Variants in ADGRF3 observed in about 807,000 individuals in gnomAD.
ADGRF3 encodes G protein-coupled receptor 113.
In ADGRF3, 85 loss-of-function variants were observed where a neutral mutation model predicts 93.2. That is an observed-to-expected ratio of 0.91 (90% CI 0.77 to 1.09). ADGRF3 has a LOEUF of 1.09. Among genes scored for constraint, ADGRF3 ranks in the 50% least tolerant of loss-of-function variants. The pLI is 0.00. For missense variants in ADGRF3, 1,125 were observed against 1,246.2 expected (o/e 0.90, Z 1.46); for synonymous variants, 534 against 532.5 (o/e 1.00, Z -0.04).
intron 1 of ADGRF3, among the ~76,000 whole-genome samples, chr2:26,327,815 G>A (rs1675522437): frequency 6.7e-6 from 1 of 149,994 alleles, no homozygotes; most frequent in African/African-American, 2.5e-5. Flanking sequence ...AGGACTGTAA[G>A]AAATAAACGT....
intron 11 of ADGRF3, 29 bp from the exon 12 acceptor site, chr2:26,310,134 G>A: frequency 6.2e-7 from 1 of 1,614,054 alleles, no homozygotes; most frequent in Non-Finnish European, 8.5e-7. Context: ...CTCTGCTTAT[G>A]CCAGCCACGG....
Position 26,316,908 on chromosome 2 carries a change from G to A in ADGRF3, c.325+4C>T. On this transcript the variant is annotated splice_donor_region_variant and intron_variant, in intron 3 of 13. Transcript: ENST00000651242. ...TCTCAGCCCCCTTCCCACGCAAGTG[G>A]TACCTGTTGTGAGTCTGAGGCCAGT... 2 of 1,600,318 alleles carry A rather than the reference G, an allele frequency of 1.2e-6. No individual in the cohort carries two copies. The highest frequency in any genetic ancestry group is 1.7e-6 in the Non-Finnish European group (2 of 1,175,950).
chr2:26,336,598 T>G (rs1440768019), intron 1 of ADGRF3, among the ~76,000 whole-genome samples: 1 of 151,606 alleles, frequency 6.6e-6, no homozygotes, highest in Non-Finnish European at 1.5e-5. Flanking sequence ...TGGTGGCAAG[T>G]GCCTGTAGTC....
At position 26,315,702 on chromosome 2, in the gene ADGRF3, G is replaced by A. The variant is rs1463704799; in HGVS notation, c.538C>T (p.Pro180Ser). 6.4e-6 allele frequency: 10 copies of A among 1,551,492 alleles called. No individual in the cohort carries two copies. Among genetic ancestry groups the A allele is most frequent in the African/African-American group, 5.5e-5 (4 of 73,126 alleles). Reference sequence around the variant, plus strand: ...AGAGTCAGGCTCAGCGTGTCACCAGGCATCTGCAGCTGGGAGTTCAGGTTG... The same window carrying A: ...AGAGTCAGGCTCAGCGTGTCACCAGACATCTGCAGCTGGGAGTTCAGGTTG... ...ILNLNSQLQM[P>S]GDTLSLTLHL... is the part of the protein sequence containing the mutation. Residue 180 changes from proline (P) to serine (S), a missense_variant, in exon 5 of 14, where the codon CCT (proline) becomes TCT (serine). Transcript: ENST00000651242.
intron 1 of ADGRF3, chr2:26,319,092 C>A: frequency 6.5e-7 from 1 of 1,527,406 alleles, no homozygotes; most frequent in Non-Finnish European, 8.8e-7. Context: ...TGCAAATTTC[C>A]GCAAGGAAGA....
chr2:26,309,572 C>G lies in ADGRF3; in HGVS notation c.2947G>C (p.Glu983Gln), dbSNP rs376528781. 1.2e-6 allele frequency: 2 copies of G among 1,612,476 alleles called. No homozygotes were observed. The highest frequency in any genetic ancestry group is 2.7e-5 in the African/African-American group (2 of 74,892). ...PSSTISLATN[E>Q]GCILEHSKGG... ...TTGCTGTGTTCCAAGATGCAGCCTT[C>G]ATTTGTGGCCTAGGAAGGGGTGGGA... The change falls in exon 13 of 14, where the codon GAA (glutamate) becomes CAA (glutamine). Residue 983 changes from glutamate to glutamine, a missense_variant. By Grantham distance (29) the Glu-to-Gln change is conservative. Transcript: ENST00000651242.
chr2:26,321,188 G>A (rs1420920510), intron 1 of ADGRF3, among the ~76,000 whole-genome samples: 2 of 152,090 alleles, frequency 1.3e-5, no homozygotes, highest in South Asian at 2.1e-4. Context: ...CAGTTTTGCT[G>A]CTAATGGAAG....
At chr2:26,313,934 T>C (rs948987196) in intron 6 of ADGRF3, 31 bp from the exon 7 acceptor site, 4 of 1,612,870 alleles carry the variant, frequency 2.5e-6, no homozygotes, top group African/African-American at 1.3e-5. Context: ...GGAACTGTCA[T>C]TGGGCCAGGG....
At chr2:26,339,905 C>T (rs1173611793) in intron 1 of ADGRF3, among the ~76,000 whole-genome samples, 1 of 152,204 alleles carries the variant, frequency 6.6e-6, no homozygotes, top group African/African-American at 2.4e-5. Flanking sequence ...TTGTACTCAG[C>T]ACAATTCTCA....
At chr2:26,344,443 C>T (rs1220468727) in intron 1 of ADGRF3, among the ~76,000 whole-genome samples, 1 of 152,110 alleles carries the variant, frequency 6.6e-6, no homozygotes, top group Non-Finnish European at 1.5e-5. Context: ...CGCGCCTGGC[C>T]GAGACTCTCA....
In ADGRF3 at chr2:26,310,822, A is replaced by G; in HGVS notation, c.2702T>C (p.Leu901Pro). Residue 901 changes from leucine (L) to proline (P), a missense_variant, in exon 10 of 14, where the codon CTG becomes CCG. Leu to Pro is a moderately conservative substitution (Grantham distance 98, BLOSUM62 -3). Coordinates refer to ENST00000651242, the MANE Select transcript of ADGRF3 (RefSeq NM_001321971.2). ...AATGAGCAGGGCTTTGATCACCCCC[A>G]GCAGAGCTTGGCGCTTCTCTGCTGG... ...GPPAEKRQAL[L>P]GVIKALLILT... 6.2e-7 allele frequency: 1 copy of G among 1,613,694 alleles called. No homozygotes were observed. The highest frequency in any genetic ancestry group is 8.5e-7 in the Non-Finnish European group (1 of 1,179,756).
intron 1 of ADGRF3, among the ~76,000 whole-genome samples, chr2:26,319,624 T>G (rs1266840973): frequency 1.4e-5 from 2 of 138,510 alleles, no homozygotes; most frequent in African/African-American, 5.2e-5. Flanking sequence ...CCTTTCTTTC[T>G]TTGTTTCTTT....
At chr2:26,317,329 G>C (rs112925719) in intron 2 of ADGRF3, among the ~76,000 whole-genome samples, 167 bp downstream of exon 2, 1 of 152,090 alleles carries the variant, frequency 6.6e-6, no homozygotes, top group Non-Finnish European at 1.5e-5. Flanking sequence ...AGGCCTCTCC[G>C]CTAGAGAACT....
At chr2:26,341,465 T>C (rs1422796033) in intron 1 of ADGRF3, among the ~76,000 whole-genome samples, 1 of 152,124 alleles carries the variant, frequency 6.6e-6, no homozygotes, top group East Asian at 1.9e-4. Flanking sequence ...ACATAGGAAG[T>C]AGGAGGTATT....
At chr2:26,321,375 T>C (rs529348249) in intron 1 of ADGRF3, among the ~76,000 whole-genome samples, 23 of 152,290 alleles carry the variant, frequency 1.5e-4, no homozygotes, top group Non-Finnish European at 2.5e-4. Flanking sequence ...CTGTTGCAGC[T>C]ATAGGCAGTC....
intron 1 of ADGRF3, chr2:26,318,100 T>C (rs1335682733): frequency 6.5e-7 from 1 of 1,548,574 alleles, no homozygotes; most frequent in Non-Finnish European, 8.7e-7. Context: ...GATAGGGGGA[T>C]GGGGCAGGCA....
chr2:26,338,695 C>T (rs1006954052), intron 1 of ADGRF3, among the ~76,000 whole-genome samples: 21 of 152,126 alleles, frequency 1.4e-4, no homozygotes, highest in Non-Finnish European at 7.4e-5. Context: ...CTCCCGATCT[C>T]AGGTGATCTG....
chr2:26,342,994 T>C (rs1283494310), intron 1 of ADGRF3, among the ~76,000 whole-genome samples: 2 of 152,204 alleles, frequency 1.3e-5, no homozygotes, highest in Non-Finnish European at 2.9e-5. Flanking sequence ...CAAAAGCCAG[T>C]AAGACAGTTA....
intron 1 of ADGRF3, among the ~76,000 whole-genome samples, chr2:26,328,422 C>T (rs1034833041): frequency 6.6e-5 from 10 of 150,904 alleles, no homozygotes; most frequent in African/African-American, 1.2e-4. Context: ...TCTTCTCTGG[C>T]GCTCTAATGA....
Sources: allele counts gnomAD v4.1 joint callset (sites outside exome capture counted in the v4.1 genomes callset), GRCh38; gene constraint gnomAD v4.1.1; transcripts MANE v1.5; gene names NCBI Gene and HGNC (gene_info 2026-07-23, HGNC 2026-07-21).